IMPG1: variants seen among roughly 807,000 people sequenced by gnomAD.
IMPG1 encodes interphotoreceptor matrix proteoglycan of 150 kDa.
A neutral mutation model predicts 92.0 loss-of-function variants in IMPG1; 85 were observed. That is an observed-to-expected ratio of 0.92 (90% CI 0.78 to 1.11). The LOEUF (loss-of-function observed/expected upper bound fraction) is 1.11. Among genes scored for constraint, IMPG1 ranks in the 50% least tolerant of loss-of-function variants. IMPG1 has a pLI of 0.00. For missense variants in IMPG1, 1,022 were observed against 956.0 expected (o/e 1.07, Z -0.91); for synonymous variants, 367 against 334.1 (o/e 1.10, Z -1.08).
intron 12 of IMPG1, among the ~76,000 whole-genome samples, chr6:75,954,520 G>A (rs946501982): frequency 2.0e-5 from 3 of 152,086 alleles, no homozygotes; most frequent in African/African-American, 7.2e-5. Context: ...TTAGTCCTTT[G>A]TTAGATGGAT....
chr6:76,002,108 T>C (rs1241801874), intron 12 of IMPG1, among the ~76,000 whole-genome samples: 1 of 152,210 alleles, frequency 6.6e-6, no homozygotes, highest in Non-Finnish European at 1.5e-5. Context: ...TTTGTACTTA[T>C]AATCACAGTA....
At chr6:76,043,646 T>G (rs567522145) in intron 1 of IMPG1, among the ~76,000 whole-genome samples, 43 of 152,188 alleles carry the variant, frequency 2.8e-4, no homozygotes, top group Non-Finnish European at 5.9e-4. Context: ...AATTTCAACA[T>G]GCAGGCAGGT....
intron 12 of IMPG1, among the ~76,000 whole-genome samples, chr6:75,977,315 C>T (rs1376985833): frequency 1.3e-5 from 2 of 152,062 alleles, no homozygotes; most frequent in African/African-American, 4.8e-5. Context: ...CCGCCAGGCG[C>T]GGTGGCTCAC....
chr6:76,049,241 T>C (rs967474096), intron 1 of IMPG1, among the ~76,000 whole-genome samples: 2 of 152,120 alleles, frequency 1.3e-5, no homozygotes, highest in Admixed American at 6.6e-5. Context: ...AACTATAGGA[T>C]ACTAGACTTA....
intron 12 of IMPG1, among the ~76,000 whole-genome samples, chr6:75,970,053 A>G (rs552929099): frequency 1.8e-4 from 28 of 152,290 alleles, no homozygotes; most frequent in Non-Finnish European, 2.1e-4. Flanking sequence ...AGAATTGAGG[A>G]TGGGATAGAA....
At chr6:75,924,451 C>T (rs562386293) in intron 15 of IMPG1, among the ~76,000 whole-genome samples, 1,743 of 80,068 alleles carry the variant, frequency 0.022, 73 homozygotes, top group African/African-American at 0.082. Context: ...TATAATATAA[C>T]ATAATTATAT....
At chr6:76,025,757 C>A (rs1290271644) in intron 4 of IMPG1, among the ~76,000 whole-genome samples, 1 of 152,158 alleles carries the variant, frequency 6.6e-6, no homozygotes, top group Non-Finnish European at 1.5e-5. Context: ...TTTACTAAAT[C>A]TGTATTCTGG....
chr6:75,981,946 C>T (rs1163264965), intron 12 of IMPG1, among the ~76,000 whole-genome samples: 1 of 152,216 alleles, frequency 6.6e-6, no homozygotes, highest in African/African-American at 2.4e-5. Context: ...GGTACTTGAG[C>T]TGCCTTTAGT....
At chr6:76,042,172 G>T in intron 1 of IMPG1, 46 bp from the exon 2 acceptor site, 2 of 969,970 alleles carry the variant, frequency 2.1e-6, no homozygotes, top group Non-Finnish European at 3.3e-6. Flanking sequence ...ACATTTATGT[G>T]TTATATGTGA....
intron 14 of IMPG1, among the ~76,000 whole-genome samples, chr6:75,937,865 A>T (rs554593193): frequency 6.6e-6 from 1 of 152,232 alleles, no homozygotes; most frequent in Non-Finnish European, 1.5e-5. Context: ...GAGGCTTCTT[A>T]GGAATTCAAG....
chr6:75,934,081 G>A (rs1450688208), intron 14 of IMPG1, among the ~76,000 whole-genome samples: 2 of 152,190 alleles, frequency 1.3e-5, no homozygotes, highest in East Asian at 1.9e-4. Flanking sequence ...GGGAAAAAGA[G>A]TGAGAGCCCC....
intron 14 of IMPG1, among the ~76,000 whole-genome samples, chr6:75,931,899 C>T (rs1781674714): frequency 6.6e-6 from 1 of 152,204 alleles, no homozygotes; most frequent in South Asian, 2.1e-4. Flanking sequence ...CCCTGTTTGC[C>T]CTTCCTTATC....
rs1312000670 is a variant in IMPG1 at position 75,922,107 on chromosome 6, T to A, written c.2376A>T (p.Gln792His). The change falls in exon 17 of 17, where the codon CAA (glutamine) becomes CAT (histidine). Residue 792 changes from glutamine (Q) to histidine (H), a missense_variant. Transcript: ENST00000369950. ...TCAGTTTTTAATTTCCTTCCCAATC[T>A]TGATGGTTAAATTCTTCATATTCTA... ...LTVEYEEFNH[Q>H]DWEGN The A allele has an allele frequency of 3.7e-6, 5 of 1,351,418 alleles. No homozygotes were observed. Among genetic ancestry groups the A allele is most frequent in the Non-Finnish European group, 3.1e-6 (3 of 952,728 alleles). 83.7% of individuals were successfully genotyped at this position (1,351,418 alleles called of 1,614,324 possible). A position where few individuals can be genotyped will look rare whatever the true frequency, so the allele number is the denominator to read the frequency against.
intron 12 of IMPG1, among the ~76,000 whole-genome samples, chr6:75,974,781 G>C (rs1562355196): frequency 6.6e-6 from 1 of 152,130 alleles, no homozygotes; most frequent in Non-Finnish European, 1.5e-5. Flanking sequence ...CTCCTAAAGT[G>C]CTGGGACTGC....
chr6:75,935,082 C>T (rs1287619693), intron 14 of IMPG1: 1 of 463,268 alleles, frequency 2.2e-6, no homozygotes, highest in South Asian at 1.6e-5. Flanking sequence ...GCGATGAAAC[C>T]TAGTTCTCGC....
chr6:76,028,170 T>C (rs1351828685), intron 4 of IMPG1, among the ~76,000 whole-genome samples: 2 of 152,222 alleles, frequency 1.3e-5, no homozygotes, highest in Non-Finnish European at 2.9e-5. Flanking sequence ...TTGTAAACCA[T>C]GGAGATAACC....
At chr6:76,018,910 A>G in intron 6 of IMPG1, 52 bp from the exon 7 acceptor site, 3 of 1,481,476 alleles carry the variant, frequency 2.0e-6, no homozygotes, top group Non-Finnish European at 2.7e-6. Context: ...CCACAAATAA[A>G]TGGTTATTTT....
At chr6:76,017,018 G>A (rs1432770134) in intron 7 of IMPG1, among the ~76,000 whole-genome samples, 2 of 152,144 alleles carry the variant, frequency 1.3e-5, no homozygotes. Context: ...ATGCAGAATG[G>A]ATAGAGGGAA....
chr6:76,035,218 G>C (rs935306163), intron 2 of IMPG1, among the ~76,000 whole-genome samples: 2 of 151,776 alleles, frequency 1.3e-5, no homozygotes, highest in African/African-American at 2.4e-5. Flanking sequence ...AAGATGTGGC[G>C]AGGGCCAGGC....
Sources: gnomAD v4.1 joint callset for allele counts (sites outside exome capture counted in the v4.1 genomes callset) on GRCh38, gnomAD v4.1.1 for gene constraint, MANE v1.5 for transcripts, NCBI Gene and HGNC (gene_info 2026-07-23, HGNC 2026-07-21) for gene names.